Variants in WDFY2 observed in about 807,000 individuals in gnomAD.
WDFY2 encodes WD repeat and FYVE domain containing 2.
In WDFY2, 36 loss-of-function variants were observed where a neutral mutation model predicts 56.4. That is an observed-to-expected ratio of 0.64 (90% CI 0.49 to 0.84). The LOEUF (loss-of-function observed/expected upper bound fraction) is 0.84, where lower values mean the gene tolerates loss of function less well. Ranked by LOEUF, WDFY2 falls within the 40% of genes least tolerant of loss-of-function variation. The pLI, the probability that WDFY2 is intolerant of heterozygous loss-of-function variation, is 0.00. For synonymous variants in WDFY2, 176 were observed against 183.7 expected, an observed-to-expected ratio of 0.96 and a Z score of 0.34; for missense variants, 444 against 512.2, an observed-to-expected ratio of 0.87 and a Z score of 1.29.
chr13:51,590,853 C>T (rs976176810), intron 1 of WDFY2: 1 of 152,104 alleles, frequency 6.6e-6, no homozygotes, highest in African/African-American at 2.4e-5. Flanking sequence ...CAGGGAGCCT[C>T]TTCATCCAAA....
intron 1 of WDFY2, among the ~76,000 whole-genome samples, chr13:51,596,048 A>C (rs1249978470): frequency 2.0e-5 from 3 of 152,186 alleles, no homozygotes; most frequent in Non-Finnish European, 1.5e-5. Flanking sequence ...ATATTCCTGG[A>C]GTCAGTTTAC....
At chr13:51,644,581 A>G (rs1955231613) in intron 1 of WDFY2, among the ~76,000 whole-genome samples, 1 of 152,228 alleles carries the variant, frequency 6.6e-6, no homozygotes, top group Admixed American at 6.5e-5. Flanking sequence ...TGCTGATGCA[A>G]ATAACTGCAA....
chr13:51,705,013 A>G (rs754949016), intron 4 of WDFY2, among the ~76,000 whole-genome samples: 1 of 152,158 alleles, frequency 6.6e-6, no homozygotes, highest in African/African-American at 2.4e-5. Context: ...GGTTACAAAG[A>G]TACCAAAACT....
chr13:51,680,723 A>G (rs1252717654), intron 3 of WDFY2, among the ~76,000 whole-genome samples: 1 of 152,180 alleles, frequency 6.6e-6, no homozygotes, highest in African/African-American at 2.4e-5. Flanking sequence ...GAGATAAGAA[A>G]ATATAATTGA....
intron 4 of WDFY2, among the ~76,000 whole-genome samples, chr13:51,718,798 T>A (rs1268583927): frequency 6.6e-6 from 1 of 152,196 alleles, no homozygotes; most frequent in South Asian, 2.1e-4. Flanking sequence ...GGTAGTGATA[T>A]TATATGAACA....
At chr13:51,733,838 T>C (rs1246654867) in intron 6 of WDFY2, among the ~76,000 whole-genome samples, 1 of 152,144 alleles carries the variant, frequency 6.6e-6, no homozygotes, top group Non-Finnish European at 1.5e-5. Context: ...GGAGTACTGC[T>C]GGGAGAGCAG....
At chr13:51,711,554 A>G (rs1326240468) in intron 4 of WDFY2, among the ~76,000 whole-genome samples, 1 of 152,250 alleles carries the variant, frequency 6.6e-6, no homozygotes, top group African/African-American at 2.4e-5. Context: ...ACAAAGGGCT[A>G]ATACCCAGAA....
intron 2 of WDFY2, among the ~76,000 whole-genome samples, chr13:51,671,011 G>A (rs553057877): frequency 6.6e-6 from 1 of 152,068 alleles, no homozygotes; most frequent in Non-Finnish European, 1.5e-5. Context: ...TAGAATAATG[G>A]TCTCCAATTC....
At chr13:51,717,799 C>T (rs896778025) in intron 4 of WDFY2, among the ~76,000 whole-genome samples, 1 of 152,142 alleles carries the variant, frequency 6.6e-6, no homozygotes, top group Non-Finnish European at 1.5e-5. Flanking sequence ...GTAGAGACAT[C>T]ACAGTGTCAC....
At chr13:51,709,343 G>A (rs1952158099) in intron 4 of WDFY2, among the ~76,000 whole-genome samples, 1 of 152,326 alleles carries the variant, frequency 6.6e-6, no homozygotes, top group East Asian at 1.9e-4. Flanking sequence ...TGGAATTGAA[G>A]TAGGAATTAA....
intron 1 of WDFY2, among the ~76,000 whole-genome samples, chr13:51,656,803 C>G (rs1955517232): frequency 6.6e-6 from 1 of 151,994 alleles, no homozygotes; most frequent in Admixed American, 6.5e-5. Flanking sequence ...CCACCTAGCT[C>G]TCTTTTGGTT....
At chr13:51,718,553 C>G (rs1184127203) in intron 4 of WDFY2, among the ~76,000 whole-genome samples, 1 of 130,196 alleles carries the variant, frequency 7.7e-6, no homozygotes, top group Non-Finnish European at 1.6e-5. Context: ...CTCTTATTAT[C>G]ATTCATACAC....
At chr13:51,720,181 A>G (rs760138699) in intron 5 of WDFY2, among the ~76,000 whole-genome samples, 3 of 152,244 alleles carry the variant, frequency 2.0e-5, no homozygotes, top group Non-Finnish European at 2.9e-5. Context: ...TTTCATCTCC[A>G]TATTTATAAA....
chr13:51,677,319 G>T (rs565954030), intron 3 of WDFY2, among the ~76,000 whole-genome samples: 1 of 152,276 alleles, frequency 6.6e-6, no homozygotes, highest in South Asian at 2.1e-4. Flanking sequence ...AAGATGAATT[G>T]CATACCCTAC....
chr13:51,681,361 A>C (rs1364559190), intron 3 of WDFY2, among the ~76,000 whole-genome samples: 1 of 152,206 alleles, frequency 6.6e-6, no homozygotes, highest in Non-Finnish European at 1.5e-5. Context: ...ACCATTTATG[A>C]ATAATATCCT....
At chr13:51,721,012 G>A (rs1013570337) in intron 5 of WDFY2, among the ~76,000 whole-genome samples, 7 of 151,926 alleles carry the variant, frequency 4.6e-5, no homozygotes, top group African/African-American at 1.5e-4. Flanking sequence ...GTCACTATGC[G>A]TGGTGATGGA....
intron 1 of WDFY2, among the ~76,000 whole-genome samples, chr13:51,654,737 T>C (rs1955476088): frequency 6.6e-6 from 1 of 152,234 alleles, no homozygotes; most frequent in Non-Finnish European, 1.5e-5. Flanking sequence ...ATTTAGGAAA[T>C]TCCTAACCAT....
intron 4 of WDFY2, among the ~76,000 whole-genome samples, chr13:51,716,692 CAAA>C (rs34618973): frequency 3.6e-5 from 2 of 55,142 alleles, no homozygotes; most frequent in African/African-American, 1.3e-4. Flanking sequence ...GACTCCGTCT[CAAA>C]AAAAAAAAAA....
chr13:51,615,906 A>G (rs556179618), intron 1 of WDFY2, among the ~76,000 whole-genome samples: 3 of 152,294 alleles, frequency 2.0e-5, no homozygotes, highest in Non-Finnish European at 4.4e-5. Context: ...ATGGATTTCT[A>G]TTTTTTAACC....
Sources: allele counts gnomAD v4.1 joint callset (sites outside exome capture counted in the v4.1 genomes callset), GRCh38; gene constraint gnomAD v4.1.1; transcripts MANE v1.5; gene names NCBI Gene and HGNC (gene_info 2026-07-23, HGNC 2026-07-21).